The following PTPRT variants were observed in gnomAD, a reference collection of about 807,000 sequenced individuals.
The protein encoded by PTPRT is receptor-type tyrosine-protein phosphatase T.
Under a neutral mutation model 176.8 loss-of-function variants are expected in PTPRT, and 56 were observed. The observed-to-expected ratio is 0.32, with a 90% CI of 0.26 to 0.40. The LOEUF (loss-of-function observed/expected upper bound fraction) is 0.40, where lower values mean the gene tolerates loss of function less well. Among genes scored for constraint, PTPRT ranks in the 10% least tolerant of loss-of-function variants. The pLI, the probability that PTPRT is intolerant of heterozygous loss-of-function variation, is 1.00. For synonymous variants in PTPRT, 783 were observed against 739.0 expected (o/e 1.06, Z -0.96); for missense variants, 1,540 against 1,908.2 (o/e 0.81, Z 3.60).
At chr20:43,043,784 G>A (rs913175016) in intron 1 of PTPRT, among the ~76,000 whole-genome samples, 7 of 152,190 alleles carry the variant, frequency 4.6e-5, no homozygotes, top group African/African-American at 1.7e-4. Flanking sequence ...TCTGAGGCAA[G>A]AATATGACCT....
chr20:42,349,483 T>C (rs2058245154), intron 11 of PTPRT, among the ~76,000 whole-genome samples: 1 of 152,226 alleles, frequency 6.6e-6, no homozygotes, highest in Non-Finnish European at 1.5e-5. Flanking sequence ...ACTGTAATTA[T>C]GTTTCTGTCT....
chr20:42,107,216 CT>C (rs1387765675), intron 23 of PTPRT, among the ~76,000 whole-genome samples: 2 of 145,072 alleles, frequency 1.4e-5, no homozygotes, highest in African/African-American at 4.9e-5. Context: ...TTCTACCCTT[CT>C]TTTCTCTTCT....
Position 42,768,607 on chromosome 20 carries a change from T to A in PTPRT, c.684+2828A>T, listed in dbSNP as rs533119151. On this transcript the variant is annotated intron_variant, in intron 5 of 30. Transcript: ENST00000373187. Reference sequence around the variant, plus strand: ...AGTGGCTACAAAGCTGCGGGCTCTGTGTGTGACCCACCAGTTAGTAACGTG... The same window carrying A: ...AGTGGCTACAAAGCTGCGGGCTCTGAGTGTGACCCACCAGTTAGTAACGTG... 1.1e-4 allele frequency among the ~76,000 whole-genome samples: 16 copies of A among 152,340 alleles called. No homozygotes were observed. The Middle Eastern group carries it at 0.02, about 194-fold the overall frequency.
At position 42,891,293 on chromosome 20, in the gene PTPRT, A is replaced by G. The variant is rs972726599; in HGVS notation, c.89-5361T>C. ...AGCTGGGCTCAGCTGAGGTTTGGTG[A>G]AGATCCACATAATTGGGGGAGGACA... is the stretch of plus-strand genomic sequence containing the variant. On this transcript the variant is annotated intron_variant, in intron 1 of 30. Transcript: ENST00000373187. 3.9e-5 allele frequency among the ~76,000 whole-genome samples: 6 copies of G among 152,192 alleles called. No homozygotes were observed. In the South Asian group the frequency reaches 1.0e-3, roughly 26 times the overall value.
At chr20:42,478,416 C>T (rs543454338) in intron 7 of PTPRT, among the ~76,000 whole-genome samples, 96 of 152,224 alleles carry the variant, frequency 6.3e-4, no homozygotes, top group African/African-American at 2.3e-3. Context: ...TACATCAGCT[C>T]TTATTAAAGC....
intron 1 of PTPRT, among the ~76,000 whole-genome samples, chr20:43,006,819 T>C (rs1193757735): frequency 6.6e-6 from 1 of 152,202 alleles, no homozygotes; most frequent in African/African-American, 2.4e-5. Context: ...CTGAGAAGTC[T>C]AGCACTTGGG....
intron 1 of PTPRT, among the ~76,000 whole-genome samples, chr20:43,172,108 A>C (rs2015016522): frequency 6.6e-6 from 1 of 152,160 alleles, no homozygotes; most frequent in African/African-American, 2.4e-5. Context: ...GTGCCTCGGC[A>C]TCCCTTGTGA....
At chr20:42,662,828 A>G (rs2075247675) in intron 7 of PTPRT, among the ~76,000 whole-genome samples, 2 of 18,064 alleles carry the variant, frequency 1.1e-4, no homozygotes, top group South Asian at 3.5e-3. Flanking sequence ...TCAATGATTC[A>G]CTAACTAATA....
At chr20:42,033,345 C>A in the PTPRT span, among the ~76,000 whole-genome samples, 1 of 152,152 alleles carries the variant, frequency 6.6e-6, no homozygotes, top group East Asian at 1.9e-4. Context: ...TCTAATAATT[C>A]TTTATTGTCA....
At chr20:42,684,508 T>C (rs1160568499) in intron 6 of PTPRT, among the ~76,000 whole-genome samples, 1 of 152,136 alleles carries the variant, frequency 6.6e-6, no homozygotes, top group Non-Finnish European at 1.5e-5. Flanking sequence ...AGAAGTACGA[T>C]GTTGTAGAGA....
At chr20:42,856,151 A>G (rs1015399782) in intron 2 of PTPRT, among the ~76,000 whole-genome samples, 6 of 152,192 alleles carry the variant, frequency 3.9e-5, no homozygotes, top group Admixed American at 6.5e-5. Flanking sequence ...TAGTGTCAGA[A>G]TTTCAATAAA....
chr20:42,313,098 TG>T (rs1186083413), intron 12 of PTPRT, among the ~76,000 whole-genome samples: 2 of 152,064 alleles, frequency 1.3e-5, no homozygotes, highest in Non-Finnish European at 2.9e-5. Flanking sequence ...AAAACTAAGA[TG>T]GCCATGAGAG....
chr20:42,679,538 A>T (rs530694476), intron 6 of PTPRT, among the ~76,000 whole-genome samples: 12 of 152,192 alleles, frequency 7.9e-5, no homozygotes, highest in Non-Finnish European at 1.6e-4. Context: ...ATGAGAAGAA[A>T]TGGAAGAAAA....
chr20:42,989,382 C>G (rs1181668177), intron 1 of PTPRT, among the ~76,000 whole-genome samples: 1 of 152,232 alleles, frequency 6.6e-6, no homozygotes, highest in Non-Finnish European at 1.5e-5. Context: ...AAATGTAGCA[C>G]TGCCGTGGTT....
At chr20:42,160,289 T>C (rs575297661) in intron 17 of PTPRT, among the ~76,000 whole-genome samples, 5 of 152,346 alleles carry the variant, frequency 3.3e-5, no homozygotes, top group African/African-American at 9.6e-5. Context: ...TTTTCAAAGC[T>C]GGCTGCAGCT....
At chr20:42,039,692 G>GTATATATATATATA in the PTPRT span, among the ~76,000 whole-genome samples, 54 of 113,266 alleles carry the variant, frequency 4.8e-4, 5 homozygotes, top group Middle Eastern at 0.037. Context: ...ATTCTGTTGT[G>GTATATATATATATA]TATATATATA....
At chr20:42,213,884 T>C (rs2055705772) in intron 15 of PTPRT, among the ~76,000 whole-genome samples, 1 of 152,206 alleles carries the variant, frequency 6.6e-6, no homozygotes, top group African/African-American at 2.4e-5. Flanking sequence ...GTCATCTAGT[T>C]TGTGAGACAT....
At chr20:42,813,768 T>C (rs2077736296) in intron 2 of PTPRT, among the ~76,000 whole-genome samples, 2 of 152,202 alleles carry the variant, frequency 1.3e-5, no homozygotes, top group South Asian at 4.1e-4. Flanking sequence ...ATTCTTAGAT[T>C]ACTGGGCATC....
chr20:42,948,779 G>A (rs1217001207), intron 1 of PTPRT, among the ~76,000 whole-genome samples: 5 of 152,138 alleles, frequency 3.3e-5, no homozygotes, highest in African/African-American at 7.2e-5. Context: ...GCCATTTTGG[G>A]TTGGAGTCTA....
Sources: allele counts gnomAD v4.1 joint callset (sites outside exome capture counted in the v4.1 genomes callset), GRCh38; gene constraint gnomAD v4.1.1; transcripts MANE v1.5; gene names NCBI Gene and HGNC (gene_info 2026-07-23, HGNC 2026-07-21).